GALNT13: variants seen among roughly 807,000 people sequenced by gnomAD.
The protein encoded by GALNT13 is polypeptide N-acetylgalactosaminyltransferase 13.
Under a neutral mutation model 64.2 loss-of-function variants are expected in GALNT13, and 28 were observed. That is an observed-to-expected ratio of 0.44 (90% CI 0.32 to 0.60). GALNT13 has a LOEUF of 0.60. GALNT13 is among the 20% of genes least tolerant of loss of function. The pLI, the probability that GALNT13 is intolerant of heterozygous loss-of-function variation, is 0.05. For missense variants in GALNT13, 577 were observed against 669.8 expected (o/e 0.86, Z 1.53); for synonymous variants, 214 against 224.6 (o/e 0.95, Z 0.42).
chr2:153,088,092 G>T, the GALNT13 span, among the ~76,000 whole-genome samples: 1 of 151,878 alleles, frequency 6.6e-6, no homozygotes, highest in African/African-American at 2.4e-5. Context: ...GACTTTTTGT[G>T]TAGGCATTTA....
chr2:153,570,356 CAGAT>C, the GALNT13 span, among the ~76,000 whole-genome samples: 2 of 152,234 alleles, frequency 1.3e-5, no homozygotes, highest in African/African-American at 4.8e-5. Flanking sequence ...AATCCCTTGT[CAGAT>C]GGATGGTTTG....
the GALNT13 span, among the ~76,000 whole-genome samples, chr2:153,426,400 T>G: frequency 6.6e-6 from 1 of 151,986 alleles, no homozygotes; most frequent in African/African-American, 2.4e-5. Context: ...ATTCACGCTT[T>G]GTACTAAGGT....
intron 3 of GALNT13, among the ~76,000 whole-genome samples, chr2:154,016,143 C>T (rs569405950): frequency 6.6e-5 from 10 of 152,064 alleles, no homozygotes; most frequent in South Asian, 4.1e-4. Flanking sequence ...GATAATGGAG[C>T]GAAGCATTTA....
chr2:153,744,087 C>T, the GALNT13 span, among the ~76,000 whole-genome samples: 450 of 152,208 alleles, frequency 3.0e-3, 4 homozygotes, highest in African/African-American at 0.01. Context: ...TTGATGGACA[C>T]TTAGGTTGCT....
At chr2:154,416,187 A>G (rs892252165) in intron 11 of GALNT13, among the ~76,000 whole-genome samples, 2 of 152,124 alleles carry the variant, frequency 1.3e-5, no homozygotes, top group East Asian at 3.9e-4. Flanking sequence ...CTGGGTTGCT[A>G]TAATAAACAT....
At chr2:153,075,452 C>T in the GALNT13 span, among the ~76,000 whole-genome samples, 31 of 152,078 alleles carry the variant, frequency 2.0e-4, no homozygotes, top group Admixed American at 2.6e-4. Flanking sequence ...AGATAACTGT[C>T]TTAGAATAAT....
intron 4 of GALNT13, among the ~76,000 whole-genome samples, chr2:154,234,876 C>A (rs1689109778): frequency 6.6e-6 from 1 of 151,932 alleles, no homozygotes; most frequent in South Asian, 2.1e-4. Context: ...TTTAAAGAAT[C>A]CCCTAGTCTA....
chr2:154,301,259 TTGCCA>T lies in GALNT13; in HGVS notation c.976-149_976-145del. ...TCAAGATCTTCCAAATTCGCATCCT[TTGCCA>T]AAAGTAAGTATAGTGTACCAGTTCT... On this transcript the variant is annotated intron_variant, in intron 8 of 12. Transcript: ENST00000392825. 5.0e-6 allele frequency: 3 copies of T among 600,236 alleles called. No individual in the cohort carries two copies. In the Admixed American group the frequency reaches 8.3e-5, roughly 17 times the overall value. 37.2% of individuals were successfully genotyped at this position (600,236 alleles called of 1,614,324 possible).
chr2:153,141,192 A>T, the GALNT13 span, among the ~76,000 whole-genome samples: 1 of 148,196 alleles, frequency 6.7e-6, no homozygotes, highest in East Asian at 1.9e-4. Context: ...GTTGTAGCAG[A>T]TAGCAGTTTT....
intron 4 of GALNT13, among the ~76,000 whole-genome samples, chr2:154,160,568 T>A (rs574420741): frequency 5.9e-5 from 9 of 152,228 alleles, no homozygotes; most frequent in African/African-American, 2.2e-4. Flanking sequence ...TCTCCAAACA[T>A]TAAAAAAAAC....
chr2:154,322,990 T>A (rs1250664216), intron 9 of GALNT13, among the ~76,000 whole-genome samples: 1 of 151,926 alleles, frequency 6.6e-6, no homozygotes, highest in African/African-American at 2.4e-5. Flanking sequence ...CTCGGGGTAC[T>A]CAGATAACTT....
intron 9 of GALNT13, among the ~76,000 whole-genome samples, chr2:154,381,540 G>A (rs1343559851): frequency 6.6e-6 from 1 of 152,000 alleles, no homozygotes; most frequent in Non-Finnish European, 1.5e-5. Flanking sequence ...GAGGTTTTGT[G>A]GAACATTGTA....
intron 4 of GALNT13, among the ~76,000 whole-genome samples, chr2:154,191,835 C>T (rs1398877510): frequency 6.6e-6 from 1 of 152,072 alleles, no homozygotes; most frequent in African/African-American, 2.4e-5. Flanking sequence ...TTACCATGTG[C>T]CCTTTTAGTT....
chr2:153,808,082 C>T, the GALNT13 span, among the ~76,000 whole-genome samples: 3 of 152,048 alleles, frequency 2.0e-5, no homozygotes, highest in Non-Finnish European at 4.4e-5. Context: ...AATGCAATAG[C>T]CCAAAGCGCT....
At chr2:153,760,135 TC>T in the GALNT13 span, among the ~76,000 whole-genome samples, 8 of 152,088 alleles carry the variant, frequency 5.3e-5, no homozygotes, top group Admixed American at 3.3e-4. Context: ...TTGTAATTTT[TC>T]TCTTTTTTCT....
At chr2:153,126,293 T>G in the GALNT13 span, among the ~76,000 whole-genome samples, 1 of 43,472 alleles carries the variant, frequency 2.3e-5, no homozygotes, top group Non-Finnish European at 5.0e-5. Context: ...CAGTATTGAT[T>G]TTGTATATAT....
At chr2:153,788,922 C>G in the GALNT13 span, among the ~76,000 whole-genome samples, 1 of 152,046 alleles carries the variant, frequency 6.6e-6, no homozygotes, top group Non-Finnish European at 1.5e-5. Context: ...GTATATGCAC[C>G]CAACACGAGA....
chr2:153,779,347 A>G, the GALNT13 span, among the ~76,000 whole-genome samples: 2 of 152,224 alleles, frequency 1.3e-5, no homozygotes, highest in African/African-American at 4.8e-5. Context: ...CAATGGCACT[A>G]ACACAATTTT....
At chr2:153,664,475 G>T in the GALNT13 span, among the ~76,000 whole-genome samples, 7 of 152,166 alleles carry the variant, frequency 4.6e-5, no homozygotes, top group East Asian at 1.4e-3. Flanking sequence ...CAAACACACA[G>T]GTTTTACAAA....
Sources: allele counts gnomAD v4.1 joint callset (sites outside exome capture counted in the v4.1 genomes callset), GRCh38; gene constraint gnomAD v4.1.1; transcripts MANE v1.5; gene names NCBI Gene and HGNC (gene_info 2026-07-23, HGNC 2026-07-21).